Variants in SMCO4 observed in about 807,000 individuals in gnomAD.
SMCO4 encodes single-pass membrane and coiled-coil domain-containing protein 4.
In SMCO4, 4 loss-of-function variants were observed where a neutral mutation model predicts 3.6. That is an observed-to-expected ratio of 1.11 (90% CI 0.54 to 2.53). The LOEUF is 2.53. SMCO4 is among the 30% of genes most tolerant of loss of function. The pLI is 0.02. For synonymous variants in SMCO4, 36 were observed against 35.3 expected, an observed-to-expected ratio of 1.02 and a Z score of -0.07; for missense variants, 70 against 80.8, an observed-to-expected ratio of 0.87 and a Z score of 0.51.
chr11:93,496,919 T>G (rs763932971), intron 2 of SMCO4, among the ~76,000 whole-genome samples: 4 of 152,168 alleles, frequency 2.6e-5, no homozygotes, highest in Non-Finnish European at 4.4e-5. Context: ...ACGCTTACAC[T>G]ATGGGGAGTA....
intron 1 of SMCO4, among the ~76,000 whole-genome samples, chr11:93,536,966 A>G (rs1377083348): frequency 6.6e-6 from 1 of 152,216 alleles, no homozygotes; most frequent in Admixed American, 6.5e-5. Flanking sequence ...TGGGACTAAC[A>G]AGGAAGAAGG....
chr11:93,551,498 C>T, the SMCO4 span, among the ~76,000 whole-genome samples: 3 of 152,160 alleles, frequency 2.0e-5, no homozygotes, highest in African/African-American at 7.2e-5. Flanking sequence ...AGGGAGTCCC[C>T]AGCTTCTTCC....
At chr11:93,553,903 T>G in the SMCO4 span, among the ~76,000 whole-genome samples, 1 of 152,336 alleles carries the variant, frequency 6.6e-6, no homozygotes, top group South Asian at 2.1e-4. Flanking sequence ...ATCTGGTAGT[T>G]CCTCTCCTTT....
At chr11:93,508,951 A>T (rs1948933441) in intron 1 of SMCO4, among the ~76,000 whole-genome samples, 1 of 152,180 alleles carries the variant, frequency 6.6e-6, no homozygotes, top group Non-Finnish European at 1.5e-5. Context: ...GGGTTATACC[A>T]ATTAAGAACA....
At chr11:93,504,305 T>C (rs1398002960) in intron 1 of SMCO4, among the ~76,000 whole-genome samples, 1 of 152,198 alleles carries the variant, frequency 6.6e-6, no homozygotes, top group African/African-American at 2.4e-5. Flanking sequence ...CACTCAACCC[T>C]TGGTCTCTTG....
At chr11:93,523,622 G>A (rs958546099) in intron 1 of SMCO4, among the ~76,000 whole-genome samples, 4 of 152,324 alleles carry the variant, frequency 2.6e-5, no homozygotes, top group Admixed American at 6.5e-5. Context: ...TCATGCCACC[G>A]CACTCTAGCC....
intron 1 of SMCO4, among the ~76,000 whole-genome samples, chr11:93,530,682 T>G (rs1048253288): frequency 6.6e-6 from 1 of 152,022 alleles, no homozygotes; most frequent in Non-Finnish European, 1.5e-5. Flanking sequence ...CCTGACACAA[T>G]GGACTCAAAT....
At chr11:93,482,752 G>A (rs916119388) in intron 2 of SMCO4, among the ~76,000 whole-genome samples, 2 of 152,226 alleles carry the variant, frequency 1.3e-5, no homozygotes, top group African/African-American at 4.8e-5. Context: ...CACGTGCTCA[G>A]TGCAGAGCTG....
chr11:93,534,711 A>AG (rs1949202676), intron 1 of SMCO4, among the ~76,000 whole-genome samples: 1 of 152,052 alleles, frequency 6.6e-6, no homozygotes, highest in South Asian at 2.1e-4. Context: ...TTTGAGCAAT[A>AG]GGTAAAGGAC....
intron 1 of SMCO4, chr11:93,535,333 T>A: frequency 1.7e-6 from 1 of 590,384 alleles, no homozygotes; most frequent in Admixed American, 3.0e-5. Flanking sequence ...GAGGGTTTGG[T>A]TCCCTCATCT....
chr11:93,514,195 A>G (rs1318441770), intron 1 of SMCO4, among the ~76,000 whole-genome samples: 3 of 151,890 alleles, frequency 2.0e-5, no homozygotes, highest in Non-Finnish European at 4.4e-5. Context: ...AGAATCTGTT[A>G]GGAGAATTCT....
the SMCO4 span, among the ~76,000 whole-genome samples, chr11:93,551,632 A>C: frequency 6.6e-6 from 1 of 152,202 alleles, no homozygotes; most frequent in African/African-American, 2.4e-5. Context: ...GTGCATATGC[A>C]GTCTCTGCAC....
At chr11:93,490,647 T>C (rs1948703964) in intron 2 of SMCO4, among the ~76,000 whole-genome samples, 1 of 152,192 alleles carries the variant, frequency 6.6e-6, no homozygotes, top group Admixed American at 6.5e-5. Context: ...AATGGTTAAA[T>C]CGCAATGGTT....
At chr11:93,537,772 G>A (rs1333439546) in intron 1 of SMCO4, 1 of 151,802 alleles carries the variant, frequency 6.6e-6, no homozygotes, top group Non-Finnish European at 1.5e-5. Context: ...ACAAGAAGAG[G>A]TTCCCTCTTT....
chr11:93,535,608 G>A, intron 1 of SMCO4: 1 of 1,558,636 alleles, frequency 6.4e-7, no homozygotes, highest in Admixed American at 1.7e-5. Flanking sequence ...GTACTGTGGA[G>A]GGCTTTGAGC....
At chr11:93,523,233 CAGG>C (rs1022629315) in intron 1 of SMCO4, 1 of 152,284 alleles carries the variant, frequency 6.6e-6, no homozygotes, top group Non-Finnish European at 1.5e-5. Flanking sequence ...CCCAGCTACT[CAGG>C]AGAATTTCCT....
chr11:93,514,755 T>C (rs1431932268), intron 1 of SMCO4, among the ~76,000 whole-genome samples: 1 of 152,134 alleles, frequency 6.6e-6, no homozygotes, highest in Non-Finnish European at 1.5e-5. Flanking sequence ...TAGTTGCAAA[T>C]GGTTTACTGA....
intron 1 of SMCO4, among the ~76,000 whole-genome samples, chr11:93,503,141 T>G (rs966587850): frequency 1.3e-5 from 2 of 152,162 alleles, no homozygotes; most frequent in Non-Finnish European, 2.9e-5. Flanking sequence ...CAGTCCATTT[T>G]CACGCTGCTG....
At chr11:93,491,537 GTT>G (rs946806240) in intron 2 of SMCO4, among the ~76,000 whole-genome samples, 2 of 152,210 alleles carry the variant, frequency 1.3e-5, no homozygotes, top group African/African-American at 4.8e-5. Flanking sequence ...TGAGAAATGA[GTT>G]TTGAGATTAT....
Sources: gnomAD v4.1 joint callset for allele counts (sites outside exome capture counted in the v4.1 genomes callset) on GRCh38, gnomAD v4.1.1 for gene constraint, MANE v1.5 for transcripts, NCBI Gene and HGNC (gene_info 2026-07-23, HGNC 2026-07-21) for gene names.